Variants in FGF12 observed in about 807,000 individuals in gnomAD.
FGF12 encodes the protein fibroblast growth factor 12, also known as fibroblast growth factor 12B.
FGF12 carries 14 observed loss-of-function variants against 23.6 expected under a neutral mutation model. That is an observed-to-expected ratio of 0.59 (90% CI 0.39 to 0.93). The LOEUF (loss-of-function observed/expected upper bound fraction) is 0.93, where lower values mean the gene tolerates loss of function less well. FGF12 is among the 40% of genes least tolerant of loss of function. The pLI, the probability that FGF12 is intolerant of heterozygous loss-of-function variation, is 0.00. For missense variants in FGF12, 175 were observed against 217.8 expected (o/e 0.80, Z 1.24); for synonymous variants, 62 against 77.3 (o/e 0.80, Z 1.04).
At chr3:192,582,669 T>C (rs984377398) in intron 2 of FGF12, among the ~76,000 whole-genome samples, 17 of 144,756 alleles carry the variant, frequency 1.2e-4, no homozygotes, top group African/African-American at 4.2e-4. Context: ...CAGGAAATGC[T>C]TCCACAGCTA....
chr3:192,249,962 G>A lies in FGF12; in HGVS notation c.229-79306C>T, dbSNP rs550778835. On this transcript the variant is annotated intron_variant, in intron 4 of 5. Coordinates refer to ENST00000445105, the MANE Select transcript of FGF12 (RefSeq NM_004113.6). Reference sequence around the variant, plus strand: ...CAAAAAGCAACGATTGAGAAAGGCTGGTGTCTAACTAGAAGACAAGAGTGC... The same window carrying A: ...CAAAAAGCAACGATTGAGAAAGGCTAGTGTCTAACTAGAAGACAAGAGTGC... Among the ~76,000 whole-genome samples the A allele has an allele frequency of 8.5e-5, 13 of 152,220 alleles. 1 individual carries two copies. Among genetic ancestry groups the A allele is most frequent in the African/African-American group, 2.6e-4 (11 of 41,540 alleles).
At chr3:192,446,480 A>G (rs1722359098) in intron 2 of FGF12, among the ~76,000 whole-genome samples, 1 of 152,234 alleles carries the variant, frequency 6.6e-6, no homozygotes, top group Admixed American at 6.5e-5. Context: ...GCAATGAACC[A>G]TTAGATGCTA....
intron 2 of FGF12, among the ~76,000 whole-genome samples, chr3:192,400,369 C>CCT (rs1553808253): frequency 7.6e-6 from 1 of 130,784 alleles, no homozygotes; most frequent in Non-Finnish European, 1.6e-5. Flanking sequence ...ACATTCTTTT[C>CCT]TTTTTTTTTT....
rs1002002161 is a variant in FGF12 at position 192,139,714 on chromosome 3, TA to T, written c.*4294del. 3.9e-5 allele frequency: 6 copies of T among 152,026 alleles called. No individual in the cohort carries two copies. Among genetic ancestry groups the T allele is most frequent in the African/African-American group, 1.2e-4 (5 of 41,390 alleles). 9.4% of individuals were successfully genotyped at this position (152,026 alleles called of 1,614,324 possible). On this transcript the variant is annotated 3_prime_UTR_variant, in exon 6 of 6. Coordinates refer to ENST00000445105, the MANE Select transcript of FGF12 (RefSeq NM_004113.6). ...CTATTATCATAATGTTAAATATTCT[TA>T]TTTTTTTTTGCTTCCGTCTGTTACT...
intron 2 of FGF12, among the ~76,000 whole-genome samples, chr3:192,495,137 G>C (rs537120481): frequency 6.6e-6 from 1 of 152,252 alleles, no homozygotes; most frequent in Admixed American, 6.5e-5. Flanking sequence ...GGGATTACAG[G>C]CGTGAGCCAC....
At chr3:192,545,367 C>G (rs1337616464) in intron 2 of FGF12, among the ~76,000 whole-genome samples, 1 of 152,226 alleles carries the variant, frequency 6.6e-6, no homozygotes, top group Non-Finnish European at 1.5e-5. Flanking sequence ...TCACAAAGGA[C>G]AGTGAGCATC....
intron 5 of FGF12, among the ~76,000 whole-genome samples, chr3:192,167,759 ATATATATATAAAATT>A (rs1715279674): frequency 5.6e-5 from 2 of 35,452 alleles, no homozygotes; most frequent in African/African-American, 1.1e-4. Flanking sequence ...ATATATATAT[ATATATATATAAAATT>A]TTTTTTTTTT....
At chr3:192,594,649 G>C (rs1458542375) in intron 2 of FGF12, among the ~76,000 whole-genome samples, 1 of 151,694 alleles carries the variant, frequency 6.6e-6, no homozygotes, top group African/African-American at 2.4e-5. Context: ...ACAGAGTTGG[G>C]CCCCCATGAT....
At chr3:192,229,669 A>G (rs1718919348) in intron 4 of FGF12, among the ~76,000 whole-genome samples, 2 of 152,120 alleles carry the variant, frequency 1.3e-5, no homozygotes, top group East Asian at 1.9e-4. Context: ...AGGTAAATGT[A>G]TATTTCTATG....
chr3:192,567,269 G>GAAAAA (rs1022169766), intron 2 of FGF12, among the ~76,000 whole-genome samples: 1 of 151,918 alleles, frequency 6.6e-6, no homozygotes, highest in Non-Finnish European at 1.5e-5. Flanking sequence ...CTTTAGTGGG[G>GAAAAA]AAAAAAATCT....
At chr3:192,645,312 G>T (rs1715962283) in intron 2 of FGF12, among the ~76,000 whole-genome samples, 1 of 151,988 alleles carries the variant, frequency 6.6e-6, no homozygotes, top group South Asian at 2.1e-4. Flanking sequence ...AGAGAGAAAA[G>T]AAGTAATTAA....
intron 2 of FGF12, among the ~76,000 whole-genome samples, chr3:192,468,744 C>T (rs948458916): frequency 6.6e-6 from 1 of 150,700 alleles, no homozygotes; most frequent in Non-Finnish European, 1.5e-5. Flanking sequence ...GAGGAGACTC[C>T]GAGCCTCTAC....
chr3:192,659,675 T>C (rs1431355473), intron 2 of FGF12, among the ~76,000 whole-genome samples: 3 of 152,184 alleles, frequency 2.0e-5, no homozygotes, highest in Non-Finnish European at 4.4e-5. Context: ...AAATTCCAAG[T>C]AGGGTCAAAT....
At chr3:192,373,004 G>C (rs1290970019) in intron 2 of FGF12, among the ~76,000 whole-genome samples, 1 of 152,046 alleles carries the variant, frequency 6.6e-6, no homozygotes, top group African/African-American at 2.4e-5. Context: ...ATAAATTCAA[G>C]TCACTGCATA....
chr3:192,458,166 C>T (rs1722738245), intron 2 of FGF12, among the ~76,000 whole-genome samples: 1 of 152,196 alleles, frequency 6.6e-6, no homozygotes, highest in Non-Finnish European at 1.5e-5. Flanking sequence ...AGGTGGGGCC[C>T]TCATGAAGAA....
At chr3:192,535,671 T>C (rs1023361278) in intron 2 of FGF12, among the ~76,000 whole-genome samples, 9 of 152,154 alleles carry the variant, frequency 5.9e-5, no homozygotes. Context: ...AGAGGAGACC[T>C]TGAAAATATA....
At chr3:192,684,186 G>A (rs1717647321) in intron 2 of FGF12, among the ~76,000 whole-genome samples, 1 of 152,120 alleles carries the variant, frequency 6.6e-6, no homozygotes, top group South Asian at 2.1e-4. Flanking sequence ...TCTGACACAG[G>A]CGATCTGCAG....
At chr3:192,254,110 G>T (rs1339844062) in intron 4 of FGF12, among the ~76,000 whole-genome samples, 2 of 151,858 alleles carry the variant, frequency 1.3e-5, no homozygotes, top group Non-Finnish European at 2.9e-5. Context: ...TTGTACCATA[G>T]TTCTCTTGAA....
intron 2 of FGF12, among the ~76,000 whole-genome samples, chr3:192,668,458 T>C (rs955376408): frequency 7.2e-5 from 11 of 152,142 alleles, no homozygotes; most frequent in Admixed American, 6.5e-4. Flanking sequence ...GAAGCTGAGA[T>C]TGCACTGCCT....
Sources: gnomAD v4.1 joint callset for allele counts (sites outside exome capture counted in the v4.1 genomes callset) on GRCh38, gnomAD v4.1.1 for gene constraint, MANE v1.5 for transcripts, NCBI Gene and HGNC (gene_info 2026-07-23, HGNC 2026-07-21) for gene names.